Variants in ABCA13 observed in about 807,000 individuals in gnomAD.
ABCA13 encodes the protein ATP binding cassette subfamily A member 13, also known as ATP-binding cassette sub-family A member 13.
ABCA13 carries 476 observed loss-of-function variants against 478.7 expected under a neutral mutation model. The observed-to-expected ratio is 0.99, with a 90% CI of 0.92 to 1.07. ABCA13 has a LOEUF of 1.07. Ranked by LOEUF, ABCA13 falls within the 50% of genes least tolerant of loss-of-function variation. ABCA13 has a pLI of 0.00. For missense variants in ABCA13, 6,060 were observed against 5,910.6 expected (o/e 1.03, Z -0.83); for synonymous variants, 2,252 against 2,158.9 (o/e 1.04, Z -1.20).
chr7:48,352,144 G>T, intron 30 of ABCA13, 37 bp from the exon 31 acceptor site: 1 of 1,573,840 alleles, frequency 6.4e-7, no homozygotes, highest in African/African-American at 1.3e-5. Context: ...ACTCCCTACA[G>T]TGTGGTAATG....
chr7:48,640,510 C>T (rs1795028226), intron 59 of ABCA13, among the ~76,000 whole-genome samples: 1 of 152,170 alleles, frequency 6.6e-6, no homozygotes, highest in Non-Finnish European at 1.5e-5. Flanking sequence ...TTCTTGTAAG[C>T]ACCTTTACCT....
At chr7:48,183,571 C>T (rs1465296186) in intron 1 of ABCA13, among the ~76,000 whole-genome samples, 1 of 152,204 alleles carries the variant, frequency 6.6e-6, no homozygotes, top group East Asian at 1.9e-4. Context: ...GTCTTCACAT[C>T]TGAATTCCCA....
intron 40 of ABCA13, 144 bp from the exon 41 acceptor site, chr7:48,412,209 G>A (rs1364674602): frequency 1.6e-6 from 1 of 622,688 alleles, no homozygotes; most frequent in African/African-American, 1.8e-5. Flanking sequence ...TCATTGAGAT[G>A]CCTATTGCTT....
chr7:48,618,640 G>A (rs1314720189), intron 59 of ABCA13, among the ~76,000 whole-genome samples: 3 of 152,170 alleles, frequency 2.0e-5, no homozygotes, highest in Non-Finnish European at 4.4e-5. Flanking sequence ...TCTATTGGAA[G>A]GAAGGGGTGA....
At chr7:48,446,485 C>G (rs1366953343) in intron 42 of ABCA13, among the ~76,000 whole-genome samples, 1 of 151,582 alleles carries the variant, frequency 6.6e-6, no homozygotes, top group African/African-American at 2.4e-5. Flanking sequence ...ACTTTACATA[C>G]AGTTCTGTTC....
At chr7:48,426,274 C>T (rs752980786) in intron 41 of ABCA13, among the ~76,000 whole-genome samples, 8 of 152,328 alleles carry the variant, frequency 5.3e-5, no homozygotes, top group Non-Finnish European at 4.4e-5. Flanking sequence ...TAGTGCTACT[C>T]ATGCAGATTT....
At chr7:48,351,864 G>A (rs952268496) in intron 30 of ABCA13, among the ~76,000 whole-genome samples, 3 of 152,166 alleles carry the variant, frequency 2.0e-5, no homozygotes, top group Non-Finnish European at 2.9e-5. Flanking sequence ...GTTAACATCT[G>A]CAATCAAGAG....
intron 55 of ABCA13, among the ~76,000 whole-genome samples, chr7:48,536,179 T>C (rs1431502686): frequency 2.6e-5 from 4 of 152,214 alleles, no homozygotes. Flanking sequence ...TAATTCTCCT[T>C]ATTGCTTTCC....
chr7:48,627,201 C>A, intron 59 of ABCA13: 3 of 342,838 alleles, frequency 8.8e-6, no homozygotes, highest in Non-Finnish European at 1.2e-5. Context: ...CAGTTGGCCC[C>A]AAAACAGAGT....
intron 41 of ABCA13, among the ~76,000 whole-genome samples, chr7:48,419,652 G>C (rs1356306479): frequency 6.6e-6 from 1 of 152,168 alleles, no homozygotes; most frequent in African/African-American, 2.4e-5. Flanking sequence ...AGAACAAGTT[G>C]TTCAATTACT....
chr7:48,477,388 A>G (rs918378171), intron 45 of ABCA13, among the ~76,000 whole-genome samples: 2 of 152,156 alleles, frequency 1.3e-5, no homozygotes, highest in African/African-American at 2.4e-5. Flanking sequence ...TCCCATTACT[A>G]GGTATATACC....
intron 3 of ABCA13, among the ~76,000 whole-genome samples, chr7:48,219,059 T>A (rs766247972): frequency 8.5e-5 from 13 of 152,362 alleles, no homozygotes; most frequent in Admixed American, 2.6e-4. Context: ...CAGGGCATGC[T>A]GTATAATATG....
At chr7:48,372,770 A>T (rs533177123) in intron 33 of ABCA13, among the ~76,000 whole-genome samples, 1 of 152,330 alleles carries the variant, frequency 6.6e-6, no homozygotes, top group South Asian at 2.1e-4. Context: ...TTAAGGAAGC[A>T]TATAACTTTA....
At chr7:48,343,605 T>A (rs773417097) in intron 29 of ABCA13, among the ~76,000 whole-genome samples, 2 of 152,080 alleles carry the variant, frequency 1.3e-5, no homozygotes, top group Non-Finnish European at 2.9e-5. Context: ...TTTTTTTAAT[T>A]TCAATAGGGT....
chr7:48,276,318 G>A lies in ABCA13; in HGVS notation c.6652G>A (p.Gly2218Arg). 1.9e-6 allele frequency: 3 copies of A among 1,554,766 alleles called. No homozygotes were observed. Among genetic ancestry groups the A allele is most frequent in the Non-Finnish European group, 2.6e-6 (3 of 1,148,704 alleles). Residue 2218 changes from glycine (G) to arginine (R), a missense_variant, in exon 17 of 62, where the codon GGG becomes AGG. Coordinates refer to ENST00000435803, the MANE Select transcript of ABCA13 (RefSeq NM_152701.5). The stretch of plus-strand genomic sequence containing the variant: ...AATTAATTTGATCAATAACTTAGCT[G>A]GGAATTCTCAGGAAGCAGCTTGGAA... ...ILINLINNLA[G>R]NSQEAAWNLN...
intron 55 of ABCA13, among the ~76,000 whole-genome samples, chr7:48,534,798 T>A (rs1833459647): frequency 2.6e-5 from 4 of 152,192 alleles, no homozygotes; most frequent in Admixed American, 2.6e-4. Flanking sequence ...CCAGTTCTAT[T>A]GCTGAGACTT....
At chr7:48,517,005 C>A in intron 52 of ABCA13, 124 bp downstream of exon 52, 1 of 1,064,302 alleles carries the variant, frequency 9.4e-7, no homozygotes, top group Non-Finnish European at 1.3e-6. Flanking sequence ...TATCCACTGT[C>A]TTTAAACTCC....
intron 55 of ABCA13, among the ~76,000 whole-genome samples, chr7:48,556,959 T>C (rs1282926224): frequency 6.6e-6 from 1 of 152,080 alleles, no homozygotes; most frequent in Non-Finnish European, 1.5e-5. Context: ...TTATCTGTTG[T>C]ATGTTCATTG....
Position 48,372,369 on chromosome 7 carries a change from A to G in ABCA13, c.11005A>G (p.Ser3669Gly). Residue 3669 changes from serine to glycine, a missense_variant, in exon 33 of 62, where the codon AGT (serine) becomes GGT (glycine). This residue lies in a region of ABCA13 where 4,423 missense variants were observed against 4,309.1 expected (regional missense o/e 1.03). Coordinates refer to ENST00000435803, the MANE Select transcript of ABCA13 (RefSeq NM_152701.5). The part of the protein sequence containing the change: ...MSVVMLSYLL[S>G]AFFSQANTAA... ...AGTCGTCATGCTGAGCTACCTCTTG[A>G]GTGCATTTTTCAGCCAAGCTAATAC... 6.2e-7 allele frequency: 1 copy of G among 1,613,906 alleles called. No individual in the cohort carries two copies. Among genetic ancestry groups the G allele is most frequent in the Non-Finnish European group, 8.5e-7 (1 of 1,179,846 alleles).
Sources: gnomAD v4.1 joint callset for allele counts (sites outside exome capture counted in the v4.1 genomes callset) on GRCh38, gnomAD v4.1.1 for gene constraint, gnomAD v4.1.1 regional missense constraint, MANE v1.5 for transcripts, NCBI Gene and HGNC (gene_info 2026-07-23, HGNC 2026-07-21) for gene names.